BCO2: variants seen among roughly 807,000 people sequenced by gnomAD.
BCO2 encodes the protein beta-carotene oxygenase 2, also known as carotenoid-cleaving dioxygenase, mitochondrial.
In BCO2, 56 loss-of-function variants were observed where a neutral mutation model predicts 65.8. The observed-to-expected ratio is 0.85, with a 90% CI of 0.69 to 1.06. The LOEUF (loss-of-function observed/expected upper bound fraction) is 1.06, where lower values mean the gene tolerates loss of function less well. Among genes scored for constraint, BCO2 ranks in the 50% least tolerant of loss-of-function variants. BCO2 has a pLI of 0.00. For missense variants in BCO2, 675 were observed against 698.5 expected (o/e 0.97, Z 0.38); for synonymous variants, 233 against 242.3 (o/e 0.96, Z 0.36).
intron 2 of BCO2, among the ~76,000 whole-genome samples, chr11:112,184,441 G>A (rs1334472013): frequency 6.6e-6 from 1 of 152,006 alleles, no homozygotes; most frequent in Non-Finnish European, 1.5e-5. Context: ...TTTTAGTAGA[G>A]ACGGGGTTTC....
chr11:112,217,737 T>C, intron 11 of BCO2, 24 bp from the exon 12 acceptor site: 1 of 1,544,718 alleles, frequency 6.5e-7, no homozygotes, highest in Non-Finnish European at 8.9e-7. Context: ...AAGATAATTT[T>C]CAATATTGTC....
chr11:112,189,404 ATTT>A (rs869063108), intron 2 of BCO2, among the ~76,000 whole-genome samples: 4 of 79,456 alleles, frequency 5.0e-5, no homozygotes, highest in Admixed American at 1.1e-4. Context: ...AGAAAAGGAA[ATTT>A]TTTTTTTTTT....
intron 4 of BCO2, 51 bp downstream of exon 4, chr11:112,194,045 C>T: frequency 9.6e-7 from 1 of 1,046,936 alleles, no homozygotes; most frequent in East Asian, 2.4e-5. Context: ...ACATTTCTTT[C>T]CATTTGAAAT....
At chr11:112,185,608 A>G (rs1867176247) in intron 2 of BCO2, among the ~76,000 whole-genome samples, 1 of 152,180 alleles carries the variant, frequency 6.6e-6, no homozygotes, top group South Asian at 2.1e-4. Flanking sequence ...TTTGTTTTAA[A>G]CAATTACAGT....
Position 112,218,457 on chromosome 11 carries a change from G to T in BCO2, c.*583G>T. The T allele has an allele frequency of 4.1e-6, 1 of 242,428 alleles. No individual in the cohort carries two copies. The highest frequency in any genetic ancestry group is 5.7e-5 in the South Asian group (1 of 17,662). 15.0% of individuals were successfully genotyped at this position (242,428 alleles called of 1,614,324 possible). ...GTGAAGCTGCCAAAGCGTTAGACAA[G>T]CACCAAGCCCACTTTTGTCTGCCTG... On this transcript the variant is annotated 3_prime_UTR_variant, in exon 12 of 12. Coordinates refer to ENST00000357685, the MANE Select transcript of BCO2 (RefSeq NM_031938.7).
chr11:112,200,799 A>G, intron 7 of BCO2, 26 bp downstream of exon 7: 1 of 1,596,550 alleles, frequency 6.3e-7, no homozygotes, highest in Non-Finnish European at 8.5e-7. Context: ...TATATTTATC[A>G]TGAAAATTGT....
At chr11:112,183,495 T>C (rs756864287) in intron 2 of BCO2, among the ~76,000 whole-genome samples, 3 of 152,212 alleles carry the variant, frequency 2.0e-5, no homozygotes, top group Non-Finnish European at 2.9e-5. Context: ...TTATATTTGC[T>C]TTTAAATAGG....
chr11:112,181,483 G>A lies in BCO2; in HGVS notation c.293+2001G>A, dbSNP rs185592270. 868 of 705,980 alleles carry A rather than the reference G, an allele frequency of 1.2e-3. 8 individuals carry two copies. The African/African-American group carries it at 0.013, about 11-fold the overall frequency. 43.7% of individuals were successfully genotyped at this position (705,980 alleles called of 1,614,324 possible). A position where few individuals can be genotyped will look rare whatever the true frequency, so the allele number is the denominator to read the frequency against. On this transcript the variant is annotated intron_variant, in intron 2 of 11. Transcript: ENST00000357685. ...GGCGTGAGCCACCGCGCCCGGCCGA[G>A]CTTTCTTAATTGACCGAAGTCCTGA...
Position 112,192,925 on chromosome 11 carries a change from G to GTTTTTTTTTTTTTT in BCO2, c.294-544_294-531dup, listed in dbSNP as rs71060229. Among the ~76,000 whole-genome samples the GTTTTTTTTTTTTTT allele has an allele frequency of 8.7e-4, 32 of 36,666 alleles. 5 individuals carry two copies. Among genetic ancestry groups the GTTTTTTTTTTTTTT allele is most frequent in the African/African-American group, 1.9e-3 (18 of 9,538 alleles). 24.1% of individuals were successfully genotyped at this position (36,666 alleles called of 152,430 possible). Reference sequence around the variant, plus strand: ...CAATAGGGGTTTTCTAAAATGTGAGGTTTTTTTTTTTTTTTTTTGACAGGG... The same window carrying GTTTTTTTTTTTTTT: ...CAATAGGGGTTTTCTAAAATGTGAGGTTTTTTTTTTTTTTTTTTTTTTTTTTTTTTTTGACAGGG... On this transcript the variant is annotated intron_variant, in intron 2 of 11. Coordinates refer to ENST00000357685, the MANE Select transcript of BCO2 (RefSeq NM_031938.7).
intron 2 of BCO2, among the ~76,000 whole-genome samples, chr11:112,180,094 T>C (rs1866992776): frequency 6.6e-6 from 1 of 152,216 alleles, no homozygotes; most frequent in Non-Finnish European, 1.5e-5. Flanking sequence ...TTATATAAAA[T>C]GCTTTTATTT....
chr11:112,208,590 CG>C, intron 8 of BCO2: 1 of 226,482 alleles, frequency 4.4e-6, no homozygotes, highest in Non-Finnish European at 8.8e-6. Context: ...TGTCCCTTCT[CG>C]GGGGTCATGA....
chr11:112,193,570 A>G lies in BCO2; in HGVS notation c.390A>G (p.Thr130=), dbSNP rs147382550. The part of the protein sequence containing the change: ...TYRSKFLQSD[T]YKANSAKNRI... ...GGAGCAAGTTTCTACAGAGTGATAC[A>G]TATAAGGCCAACAGTGCTAAAAACC... Residue 130 remains threonine, a synonymous_variant, in exon 3 of 12, where the codon ACA becomes ACG. Transcript: ENST00000357685. 487 of 1,614,186 alleles carry G rather than the reference A, an allele frequency of 3.0e-4. 3 individuals carry two copies. The African/African-American group carries it at 5.2e-3, about 17-fold the overall frequency.
At chr11:112,179,243 A>G in intron 1 of BCO2, 35 bp from the exon 2 acceptor site, 1 of 1,590,398 alleles carries the variant, frequency 6.3e-7, no homozygotes, top group Non-Finnish European at 8.6e-7. Context: ...AGATTTGGTA[A>G]AATATTTTTT....
intron 2 of BCO2, among the ~76,000 whole-genome samples, chr11:112,185,266 T>C (rs1405566376): frequency 1.3e-5 from 2 of 152,160 alleles, no homozygotes. Flanking sequence ...ATGGTGTGCT[T>C]AGAAACTGCA....
chr11:112,218,479 C>A lies in BCO2; in HGVS notation c.*605C>A. 3.9e-6 allele frequency: 1 copy of A among 258,346 alleles called. No homozygotes were observed. Among genetic ancestry groups the A allele is most frequent in the South Asian group, 4.9e-5 (1 of 20,464 alleles). The allele number at this position is 258,346 out of a possible 1,614,324, so 16.0% of individuals were successfully genotyped here. ...CAAGCACCAAGCCCACTTTTGTCTG[C>A]CTGCACCCAACTGCAATGAGCCTAT... On this transcript the variant is annotated 3_prime_UTR_variant, in exon 12 of 12. Transcript: ENST00000357685.
chr11:112,186,055 C>G (rs527340345), intron 2 of BCO2, among the ~76,000 whole-genome samples: 32 of 152,130 alleles, frequency 2.1e-4, no homozygotes, highest in Non-Finnish European at 4.0e-4. Flanking sequence ...TTGTTGGAAA[C>G]AGACCAAGAA....
chr11:112,200,478 C>T (rs1454517087), intron 6 of BCO2, 135 bp from the exon 7 acceptor site: 1 of 693,814 alleles, frequency 1.4e-6, no homozygotes, highest in East Asian at 2.8e-5. Context: ...AGACAGTAAA[C>T]ATGTATTTCT....
In BCO2 at chr11:112,218,922, A is replaced by G. The variant is rs1859765182; in HGVS notation, c.*1048A>G. 1 of 152,232 alleles carries G rather than the reference A, an allele frequency of 6.6e-6. No individual in the cohort carries two copies. Among genetic ancestry groups the G allele is most frequent in the Admixed American group, 6.5e-5 (1 of 15,292 alleles). The allele number at this position is 152,232 out of a possible 1,614,324, so 9.4% of individuals were successfully genotyped here. ...TCTAGGTAATAATAAGAATACACGA[A>G]ATAAAAATTCATGTATTTTGGTCAT... On this transcript the variant is annotated 3_prime_UTR_variant, in exon 12 of 12. Coordinates refer to ENST00000357685, the MANE Select transcript of BCO2 (RefSeq NM_031938.7).
intron 2 of BCO2, among the ~76,000 whole-genome samples, chr11:112,192,746 T>G (rs1183111825): frequency 6.7e-6 from 1 of 148,538 alleles, no homozygotes; most frequent in Non-Finnish European, 1.5e-5. Context: ...GCAATCCACC[T>G]GCCTCAGCCT....
Sources: allele counts gnomAD v4.1 joint callset (sites outside exome capture counted in the v4.1 genomes callset), GRCh38; gene constraint gnomAD v4.1.1; transcripts MANE v1.5; gene names NCBI Gene and HGNC (gene_info 2026-07-23, HGNC 2026-07-21).